RYR3: variants seen among roughly 807,000 people sequenced by gnomAD.
RYR3 encodes brain ryanodine receptor-calcium release channel.
Under a neutral mutation model 584.3 loss-of-function variants are expected in RYR3, and 207 were observed. That is an observed-to-expected ratio of 0.35 (90% CI 0.32 to 0.40). The LOEUF (loss-of-function observed/expected upper bound fraction) is 0.40, where lower values mean the gene tolerates loss of function less well. Ranked by LOEUF, RYR3 falls within the 10% of genes least tolerant of loss-of-function variation. RYR3 has a pLI of 1.00. For synonymous variants in RYR3, 2,416 were observed against 2,248.5 expected, an observed-to-expected ratio of 1.07 and a Z score of -2.11; for missense variants, 5,616 against 6,089.2, an observed-to-expected ratio of 0.92 and a Z score of 2.59.
intron 64 of RYR3, among the ~76,000 whole-genome samples, chr15:33,775,707 C>A (rs2073951907): frequency 6.6e-6 from 1 of 152,202 alleles, no homozygotes; most frequent in African/African-American, 2.4e-5. Flanking sequence ...ATGAGAATGG[C>A]AGATGGCATG....
intron 14 of RYR3, among the ~76,000 whole-genome samples, chr15:33,584,151 T>A (rs2058727047): frequency 6.6e-6 from 1 of 151,924 alleles, no homozygotes; most frequent in South Asian, 2.1e-4. Flanking sequence ...GGCGAGAGGA[T>A]CACTTAAGCC....
At chr15:33,582,183 G>C (rs1277557556) in intron 14 of RYR3, among the ~76,000 whole-genome samples, 1 of 152,164 alleles carries the variant, frequency 6.6e-6, no homozygotes, top group African/African-American at 2.4e-5. Context: ...TGCTACAACA[G>C]GTTCCATCCA....
intron 29 of RYR3, among the ~76,000 whole-genome samples, chr15:33,647,082 G>A (rs535632658): frequency 1.3e-5 from 2 of 152,094 alleles, no homozygotes; most frequent in Non-Finnish European, 2.9e-5. Flanking sequence ...CTAGAGTTTT[G>A]CTTTCTACCA....
At chr15:33,580,736 A>G (rs531632890) in intron 13 of RYR3, among the ~76,000 whole-genome samples, 2 of 152,342 alleles carry the variant, frequency 1.3e-5, no homozygotes, top group Admixed American at 1.3e-4. Context: ...TAGTGCCAAC[A>G]GGCCATGGTT....
intron 1 of RYR3, among the ~76,000 whole-genome samples, chr15:33,473,192 C>T (rs1257866677): frequency 6.6e-6 from 1 of 152,072 alleles, no homozygotes; most frequent in African/African-American, 2.4e-5. Context: ...GTGTACTTGC[C>T]CCCACTGACC....
Position 33,629,963 on chromosome 15 carries a change from A to G in RYR3, c.2703A>G (p.Gln901=), listed in dbSNP as rs771394660. The change falls in exon 22 of 104, where the codon CAA becomes CAG. Residue 901 remains glutamine (Q), a synonymous_variant. Coordinates refer to ENST00000634891, the MANE Select transcript of RYR3 (RefSeq NM_001036.6). ...FGKIRDDNKR[Q]HPCLVEFSKL... ...AGATACGAGATGACAATAAAAGACA[A>G]CACCCTTGCCTTGTGGAGTTTTCAA... 3 of 1,604,572 alleles carry G rather than the reference A, an allele frequency of 1.9e-6. No homozygotes were observed. Among genetic ancestry groups the G allele is most frequent in the Non-Finnish European group, 2.6e-6 (3 of 1,175,304 alleles).
chr15:33,404,213 C>A (rs1264675806), intron 1 of RYR3, among the ~76,000 whole-genome samples: 1 of 152,128 alleles, frequency 6.6e-6, no homozygotes. Flanking sequence ...ACCTTGATGA[C>A]TATAAATGAT....
At chr15:33,782,588 A>C (rs1767330547) in intron 65 of RYR3, among the ~76,000 whole-genome samples, 1 of 152,164 alleles carries the variant, frequency 6.6e-6, no homozygotes, top group South Asian at 2.1e-4. Context: ...TGGCTTAATG[A>C]GCTGTAAGAA....
At chr15:33,495,031 G>A (rs1409671659) in intron 2 of RYR3, among the ~76,000 whole-genome samples, 1 of 152,144 alleles carries the variant, frequency 6.6e-6, no homozygotes, top group East Asian at 1.9e-4. Context: ...TATATGGTGA[G>A]TCAGTCTCAG....
At chr15:33,564,252 T>C (rs1033127077) in intron 11 of RYR3, among the ~76,000 whole-genome samples, 6 of 152,202 alleles carry the variant, frequency 3.9e-5, no homozygotes, top group East Asian at 1.9e-4. Context: ...AAATTCTACA[T>C]GCCGTTTCCT....
intron 18 of RYR3, among the ~76,000 whole-genome samples, chr15:33,608,658 T>G (rs1482429347): frequency 6.6e-6 from 1 of 152,236 alleles, no homozygotes; most frequent in East Asian, 1.9e-4. Flanking sequence ...AGTTACCCTT[T>G]CATTTCTAGA....
intron 1 of RYR3, among the ~76,000 whole-genome samples, chr15:33,366,409 A>G (rs1398651007): frequency 6.6e-6 from 1 of 152,206 alleles, no homozygotes; most frequent in Non-Finnish European, 1.5e-5. Flanking sequence ...ATTGAATGGC[A>G]TAATAAAAAA....
At chr15:33,758,398 A>C (rs1435274088) in intron 60 of RYR3, among the ~76,000 whole-genome samples, 4 of 152,108 alleles carry the variant, frequency 2.6e-5, no homozygotes, top group Non-Finnish European at 5.9e-5. Context: ...ACTGGCTTGA[A>C]ATTCTTGCTG....
At chr15:33,322,461 A>G (rs1426956088) in intron 1 of RYR3, among the ~76,000 whole-genome samples, 1 of 152,166 alleles carries the variant, frequency 6.6e-6, no homozygotes, top group Non-Finnish European at 1.5e-5. Context: ...ATCCACAACC[A>G]TGACCCAAAC....
chr15:33,336,437 A>G (rs71401651), intron 1 of RYR3, among the ~76,000 whole-genome samples: 1,662 of 16,580 alleles, frequency 0.1, 25 homozygotes, highest in Middle Eastern at 0.12. Context: ...AAAGAAAGAA[A>G]GAAAGAGAGA....
intron 2 of RYR3, among the ~76,000 whole-genome samples, chr15:33,496,516 T>G (rs1160561339): frequency 1.3e-5 from 2 of 152,170 alleles, no homozygotes; most frequent in Non-Finnish European, 2.9e-5. Flanking sequence ...ATGCGCTCTT[T>G]TTCTTTGAGG....
chr15:33,704,645 T>G (rs1046606375), intron 42 of RYR3, among the ~76,000 whole-genome samples: 2 of 152,206 alleles, frequency 1.3e-5, no homozygotes, highest in Non-Finnish European at 2.9e-5. Context: ...TAACCGATGC[T>G]TGTGTGAAAA....
chr15:33,537,001 A>C, intron 5 of RYR3, among the ~76,000 whole-genome samples: 1 of 152,200 alleles, frequency 6.6e-6, no homozygotes, highest in Non-Finnish European at 1.5e-5. Context: ...TCCTTCCAAT[A>C]GATTTTCATC....
chr15:33,565,066 T>C (rs938658518), intron 11 of RYR3, among the ~76,000 whole-genome samples: 12 of 152,050 alleles, frequency 7.9e-5, no homozygotes, highest in African/African-American at 2.9e-4. Context: ...CTTAGGCTTC[T>C]TGTCCCTGCT....
Sources: allele counts gnomAD v4.1 joint callset (sites outside exome capture counted in the v4.1 genomes callset), GRCh38; gene constraint gnomAD v4.1.1; transcripts MANE v1.5; gene names NCBI Gene and HGNC (gene_info 2026-07-23, HGNC 2026-07-21).